Variants in TOX2 observed in about 807,000 individuals in gnomAD.
TOX2 encodes the protein TOX high mobility group box family member 2, also known as granulosa cell HMG box 1.
A neutral mutation model predicts 47.4 loss-of-function variants in TOX2; 15 were observed. The ratio of observed to expected loss-of-function variants is 0.32; its 90% CI spans 0.21 to 0.49. The LOEUF is 0.49. TOX2 is among the 20% of genes least tolerant of loss of function. The pLI, the probability that TOX2 is intolerant of heterozygous loss-of-function variation, is 0.99. For missense variants in TOX2, 622 were observed against 673.1 expected (o/e 0.92, Z 0.84); for synonymous variants, 290 against 296.6 (o/e 0.98, Z 0.23).
chr20:44,021,417 T>C (rs2070973864), intron 3 of TOX2, among the ~76,000 whole-genome samples: 2 of 152,284 alleles, frequency 1.3e-5, no homozygotes, highest in Admixed American at 6.5e-5. Context: ...AGGATCAGCC[T>C]GAGATGGTCG....
intron 1 of TOX2, among the ~76,000 whole-genome samples, chr20:43,972,714 CT>C (rs982286104): frequency 6.6e-6 from 1 of 152,238 alleles, no homozygotes; most frequent in Non-Finnish European, 1.5e-5. Context: ...ATCTCTTCCC[CT>C]GCACCTGCTC....
chr20:43,960,009 G>A (rs1015176582), intron 1 of TOX2, among the ~76,000 whole-genome samples: 1 of 152,188 alleles, frequency 6.6e-6, no homozygotes, highest in Non-Finnish European at 1.5e-5. Flanking sequence ...CTTCCTAGCT[G>A]TGTGGCCTTG....
At chr20:44,013,023 C>T (rs753800235) in intron 3 of TOX2, among the ~76,000 whole-genome samples, 27 of 152,194 alleles carry the variant, frequency 1.8e-4, no homozygotes, top group Non-Finnish European at 2.9e-4. Flanking sequence ...TGAGCTGTAC[C>T]TTAGTTGCCA....
intron 1 of TOX2, among the ~76,000 whole-genome samples, chr20:43,948,973 A>T (rs1026319437): frequency 6.6e-5 from 10 of 152,126 alleles, no homozygotes; most frequent in African/African-American, 1.9e-4. Flanking sequence ...TGTGAAGAGC[A>T]ATTGAGGCCA....
At chr20:44,002,317 C>A (rs1415839135) in intron 2 of TOX2, among the ~76,000 whole-genome samples, 2 of 152,176 alleles carry the variant, frequency 1.3e-5, no homozygotes, top group Non-Finnish European at 2.9e-5. Context: ...GTCCCTGTCC[C>A]CCATATCCCA....
In TOX2 at chr20:44,069,351, G is replaced by A. The variant is rs2071897116; in HGVS notation, c.*665G>A. The A allele has an allele frequency of 6.0e-6, 1 of 167,702 alleles. No homozygotes were observed. The allele number at this position is 167,702 out of a possible 1,614,324, so 10.4% of individuals were successfully genotyped here. ...GTCATCCTCACAGCAAGGACCGGAC[G>A]CTTGCTAGCCACCCCGGAGCACTGC... On this transcript the variant is annotated 3_prime_UTR_variant, in exon 9 of 9. Transcript: ENST00000341197.
At chr20:44,019,816 G>A (rs1470519048) in intron 3 of TOX2, among the ~76,000 whole-genome samples, 3 of 152,212 alleles carry the variant, frequency 2.0e-5, no homozygotes, top group Non-Finnish European at 2.9e-5. Flanking sequence ...TGGGAGACAA[G>A]TCACTTTCCT....
intron 3 of TOX2, among the ~76,000 whole-genome samples, chr20:44,027,041 G>A (rs985402683): frequency 1.3e-5 from 2 of 152,222 alleles, no homozygotes; most frequent in African/African-American, 4.8e-5. Flanking sequence ...CGGCGAGGCA[G>A]TAAAACACGG....
At chr20:43,962,327 G>C (rs2069776295) in intron 1 of TOX2, among the ~76,000 whole-genome samples, 2 of 152,212 alleles carry the variant, frequency 1.3e-5, no homozygotes, top group Admixed American at 1.3e-4. Context: ...TGGTGGTCCT[G>C]GGGGCAGAGC....
intron 1 of TOX2, among the ~76,000 whole-genome samples, chr20:43,963,750 G>A (rs2069802308): frequency 6.6e-6 from 1 of 152,180 alleles, no homozygotes; most frequent in South Asian, 2.1e-4. Flanking sequence ...ATCGTTGTTG[G>A]GAAAAATCGG....
At chr20:43,971,130 TG>T (rs1452364772) in intron 1 of TOX2, among the ~76,000 whole-genome samples, 1 of 152,184 alleles carries the variant, frequency 6.6e-6, no homozygotes, top group East Asian at 1.9e-4. Context: ...GATCTGCATG[TG>T]GTAGTGACTG....
chr20:43,989,002 T>C (rs2070321034), intron 2 of TOX2, among the ~76,000 whole-genome samples: 1 of 152,254 alleles, frequency 6.6e-6, no homozygotes, highest in African/African-American at 2.4e-5. Flanking sequence ...GACTGGAATT[T>C]GAACCACAGT....
intron 2 of TOX2, among the ~76,000 whole-genome samples, chr20:43,994,958 G>A (rs1281649630): frequency 6.6e-6 from 1 of 152,156 alleles, no homozygotes; most frequent in Non-Finnish European, 1.5e-5. Context: ...GCACTCCTGT[G>A]TGAGTGGCCT....
chr20:44,058,117 A>G (rs549167403), intron 5 of TOX2, among the ~76,000 whole-genome samples: 2 of 152,370 alleles, frequency 1.3e-5, no homozygotes, highest in South Asian at 4.1e-4. Context: ...AAGAATCCAC[A>G]GACACTTTGA....
intron 2 of TOX2, among the ~76,000 whole-genome samples, chr20:43,992,997 A>G (rs2070397684): frequency 6.6e-6 from 1 of 152,116 alleles, no homozygotes; most frequent in South Asian, 2.1e-4. Context: ...TTTTCCCCTC[A>G]GTATTCCTCC....
intron 5 of TOX2, among the ~76,000 whole-genome samples, chr20:44,058,174 G>A (rs1255444464): frequency 2.0e-5 from 3 of 152,216 alleles, no homozygotes; most frequent in Non-Finnish European, 4.4e-5. Context: ...CCAAGGAATT[G>A]TGAGTTGGCG....
At chr20:44,015,419 AT>A (rs2070862771) in intron 3 of TOX2, among the ~76,000 whole-genome samples, 2 of 152,188 alleles carry the variant, frequency 1.3e-5, no homozygotes, top group African/African-American at 4.8e-5. Flanking sequence ...TCAATAAATC[AT>A]TATGGAAACA....
In TOX2 at chr20:43,979,855, A is replaced by AT. The variant is rs200219083; in HGVS notation, c.165+6424dup. On this transcript the variant is annotated intron_variant, in intron 2 of 8. Transcript: ENST00000341197. Reference sequence around the variant, plus strand: ...TGATCTCACCCAGTTAAAATGGCTTATATTCAAAAGACAGGCAATAACGAA... The same window carrying AT: ...TGATCTCACCCAGTTAAAATGGCTTATTATTCAAAAGACAGGCAATAACGAA... Among the ~76,000 whole-genome samples, 112 of 152,366 alleles carry AT rather than the reference A, an allele frequency of 7.4e-4. 1 individual carries two copies. In the East Asian group the frequency reaches 0.016, roughly 21 times the overall value.
chr20:43,998,211 AG>A (rs1333003017), intron 2 of TOX2, among the ~76,000 whole-genome samples: 1 of 152,202 alleles, frequency 6.6e-6, no homozygotes, highest in Non-Finnish European at 1.5e-5. Context: ...GAGAACAGCA[AG>A]GGGGAAATCA....
Sources: allele counts gnomAD v4.1 joint callset (sites outside exome capture counted in the v4.1 genomes callset), GRCh38; gene constraint gnomAD v4.1.1; transcripts MANE v1.5; gene names NCBI Gene and HGNC (gene_info 2026-07-23, HGNC 2026-07-21).